Variants in MSL2 observed in about 807,000 individuals in gnomAD.
MSL2 encodes MSL complex subunit 2.
Under a neutral mutation model 35.8 loss-of-function variants are expected in MSL2, and 2 were observed. The observed-to-expected ratio is 0.06, with a 90% CI of 0.02 to 0.18. The LOEUF is 0.18. Ranked by LOEUF, MSL2 falls within the 10% of genes least tolerant of loss-of-function variation. The probability of loss-of-function intolerance (pLI) is 1.00; values close to 1 mark genes in which losing one functional copy is unlikely to be tolerated. For synonymous variants in MSL2, 296 were observed against 255.7 expected, an observed-to-expected ratio of 1.16 and a Z score of -1.50; for missense variants, 523 against 706.7, an observed-to-expected ratio of 0.74 and a Z score of 2.95.
chr3:136,190,030 G>C (rs538759934), intron 1 of MSL2, among the ~76,000 whole-genome samples: 1 of 149,364 alleles, frequency 6.7e-6, no homozygotes, highest in African/African-American at 2.5e-5. Flanking sequence ...GCAGTAAGCC[G>C]AGATCATGCC....
At chr3:136,189,713 C>A (rs1300643101) in intron 1 of MSL2, among the ~76,000 whole-genome samples, 2 of 129,030 alleles carry the variant, frequency 1.6e-5, no homozygotes, top group Middle Eastern at 5.2e-3. Flanking sequence ...GACAGCGAGA[C>A]GCCGTCTCAA....
intron 1 of MSL2, chr3:136,194,281 A>C: frequency 6.5e-6 from 2 of 306,988 alleles, no homozygotes; most frequent in Non-Finnish European, 9.5e-6. Context: ...TAAAAATTAA[A>C]GTATCCTACC....
In MSL2 at chr3:136,195,454, G is replaced by C; in HGVS notation, c.-341C>G. The C allele has an allele frequency of 1.9e-6, 2 of 1,042,060 alleles. No individual in the cohort carries two copies. The highest frequency in any genetic ancestry group is 3.6e-5 in the South Asian group (1 of 27,886). 64.6% of individuals were successfully genotyped at this position (1,042,060 alleles called of 1,614,324 possible). On this transcript the variant is annotated 5_prime_UTR_variant, in exon 1 of 2. Coordinates refer to ENST00000309993, the MANE Select transcript of MSL2 (RefSeq NM_018133.4). ...TCAGTCTAGCCCCGCGGCTCGGCAG[G>C]CGGCCTGCACTCGAGCTCCATCTCC... is the stretch of plus-strand genomic sequence containing the variant.
rs1939347077 is a variant in MSL2 at position 136,151,013 on chromosome 3, T to C, written c.*134A>G. ...ACTATTTCCCCGACACTAACACATA[T>C]AACTTAGCAATGAAAACACTTGATA... On this transcript the variant is annotated 3_prime_UTR_variant, in exon 2 of 2. Coordinates refer to ENST00000309993, the MANE Select transcript of MSL2 (RefSeq NM_018133.4). This position sits in a 1 kb window ranked among gnomAD's most constrained non-coding sequence, Gnocchi z 5.2. The C allele has an allele frequency of 3.1e-6, 3 of 964,128 alleles. No individual in the cohort carries two copies. The highest frequency in any genetic ancestry group is 3.2e-5 in the South Asian group (2 of 62,792). 59.7% of individuals were successfully genotyped at this position (964,128 alleles called of 1,614,324 possible).
In MSL2 at chr3:136,186,553, C is replaced by T. The variant is rs1485212031; in HGVS notation, c.142+8419G>A. ...ACCACCTGAGCTCTGCCTGTCAGAT[C>T]TGCAGTGGCATTAGACTCTCATAGG... On this transcript the variant is annotated intron_variant, in intron 1 of 1. Transcript: ENST00000309993. 2.0e-5 allele frequency among the ~76,000 whole-genome samples: 3 copies of T among 152,162 alleles called. No individual in the cohort carries two copies. In the East Asian group the frequency reaches 5.8e-4, roughly 29 times the overall value.
At chr3:136,184,466 G>T (rs1307088062) in intron 1 of MSL2, among the ~76,000 whole-genome samples, 1 of 151,920 alleles carries the variant, frequency 6.6e-6, no homozygotes, top group East Asian at 1.9e-4. Flanking sequence ...AGCTGGGCAT[G>T]ATGGCAGGAG....
At chr3:136,163,767 C>T (rs774204794) in intron 1 of MSL2, among the ~76,000 whole-genome samples, 2 of 152,174 alleles carry the variant, frequency 1.3e-5, no homozygotes, top group Admixed American at 1.3e-4. Context: ...GTTTCCCCAG[C>T]TGTTCTTGTG....
chr3:136,176,163 C>A lies in MSL2; in HGVS notation c.142+18809G>T, dbSNP rs148918401. 7.5e-3 allele frequency among the ~76,000 whole-genome samples: 1,140 copies of A among 152,284 alleles called. 18 individuals carry two copies. Among genetic ancestry groups the A allele is most frequent in the African/African-American group, 0.026 (1,077 of 41,566 alleles). On this transcript the variant is annotated intron_variant, in intron 1 of 1. Transcript: ENST00000309993. ...GTTCTTGGACAAGTAAAACTATATT[C>A]TTTGCCCAATATAGTTGTGTGCAGG... is the stretch of plus-strand genomic sequence containing the variant.
At chr3:136,154,926 G>A (rs1559956825) in intron 1 of MSL2, among the ~76,000 whole-genome samples, 1 of 152,092 alleles carries the variant, frequency 6.6e-6, no homozygotes, top group South Asian at 2.1e-4. Context: ...GAAAGCGGCT[G>A]GGCAGGGCGC....
chr3:136,195,502 G>T lies in MSL2; in HGVS notation c.-389C>A. 9.9e-7 allele frequency: 1 copy of T among 1,012,768 alleles called. No individual in the cohort carries two copies. The highest frequency in any genetic ancestry group is 3.9e-5 in the South Asian group (1 of 25,356). 62.7% of individuals were successfully genotyped at this position (1,012,768 alleles called of 1,614,324 possible). ...TCCGGACACGGAGGCGCCTCCTCAA[G>T]TCGAGCTGGCAGGCGCGGGAGCAGG... On this transcript the variant is annotated 5_prime_UTR_variant, in exon 1 of 2. Coordinates refer to ENST00000309993, the MANE Select transcript of MSL2 (RefSeq NM_018133.4).
Position 136,195,809 on chromosome 3 carries a change from A to C in MSL2, c.-696T>G. 1 of 984,396 alleles carries C rather than the reference A, an allele frequency of 1.0e-6. No individual in the cohort carries two copies. Among genetic ancestry groups the C allele is most frequent in the South Asian group, 4.7e-5 (1 of 21,256 alleles). 61.0% of individuals were successfully genotyped at this position (984,396 alleles called of 1,614,324 possible). ...TCCCCGAGGTGGCGAGGCGGGCGGG[A>C]GTCCTCAACCCGGAGGGGAAGGCCG... is the stretch of plus-strand genomic sequence containing the variant. On this transcript the variant is annotated 5_prime_UTR_variant, in exon 1 of 2. Transcript: ENST00000309993.
intron 1 of MSL2, among the ~76,000 whole-genome samples, chr3:136,157,561 C>A (rs1939570290): frequency 6.6e-6 from 1 of 151,956 alleles, no homozygotes; most frequent in African/African-American, 2.4e-5. Context: ...CAAGAGAAAG[C>A]AGAAAAACCA....
At chr3:136,164,267 C>T (rs552251756) in intron 1 of MSL2, among the ~76,000 whole-genome samples, 12 of 152,268 alleles carry the variant, frequency 7.9e-5, no homozygotes, top group African/African-American at 2.9e-4. Context: ...CCTCCGCTAA[C>T]CATGGAGCAC....
chr3:136,155,101 G>C (rs753263003), intron 1 of MSL2, among the ~76,000 whole-genome samples: 1 of 152,002 alleles, frequency 6.6e-6, no homozygotes, highest in Non-Finnish European at 1.5e-5. Flanking sequence ...CCAGCTACTC[G>C]GGGGAGCTGA....
chr3:136,152,204 A>G lies in MSL2; in HGVS notation c.677T>C (p.Ile226Thr), dbSNP rs760948889. Reference protein sequence around the residue: ...NTIDVCNTVDIKTEDLSDSLP... With the variant: ...NTIDVCNTVDTKTEDLSDSLP... ...GCTGTCAGACAGATCCTCAGTTTTTATGTCAACAGTATTACATACGTCAAT... is the reference window on the plus strand; with the variant it reads ...GCTGTCAGACAGATCCTCAGTTTTTGTGTCAACAGTATTACATACGTCAAT... The change falls in exon 2 of 2, where the codon ATA (isoleucine) becomes ACA (threonine). Residue 226 changes from isoleucine (I) to threonine (T), a missense_variant. Around this residue, in one of 5 missense-constraint regions of MSL2, gnomAD observed 361 missense variants for 414.6 expected, o/e 0.87. Transcript: ENST00000309993. 6.2e-7 allele frequency: 1 copy of G among 1,614,106 alleles called. No homozygotes were observed. Among genetic ancestry groups the G allele is most frequent in the Non-Finnish European group, 8.5e-7 (1 of 1,179,970 alleles).
At chr3:136,180,787 AG>A (rs1559969179) in intron 1 of MSL2, among the ~76,000 whole-genome samples, 7 of 61,130 alleles carry the variant, frequency 1.1e-4, no homozygotes, top group Non-Finnish European at 1.5e-4. Context: ...GGAGGGAGGG[AG>A]GGAGGGAGGG....
rs1333533123 is a variant in MSL2 at position 136,196,118 on chromosome 3, C to T, written c.-1005G>A. On this transcript the variant is annotated 5_prime_UTR_variant, in exon 1 of 2. Transcript: ENST00000309993. The stretch of plus-strand genomic sequence containing the variant: ...CAGCGCACACAGCAAGGCCCCGCCG[C>T]AGGCCCCTCCCCCGTGCCTCGCCGC... 1.3e-5 allele frequency: 2 copies of T among 154,060 alleles called. No homozygotes were observed. The highest frequency in any genetic ancestry group is 2.4e-5 in the African/African-American group (1 of 41,434). The allele number at this position is 154,060 out of a possible 1,614,324, so 9.5% of individuals were successfully genotyped here.
In MSL2 at chr3:136,195,403, T is replaced by C; in HGVS notation, c.-290A>G. 1 of 1,144,318 alleles carries C rather than the reference T, an allele frequency of 8.7e-7. No homozygotes were observed. The highest frequency in any genetic ancestry group is 1.6e-5 in the African/African-American group (1 of 61,064). The allele number at this position is 1,144,318 out of a possible 1,614,324, so 70.9% of individuals were successfully genotyped here. ...CCACAGAGCGCAGAACGCGGCGGCT[T>C]GGGCGCTCGGGGCGGGACTCGGAGC... On this transcript the variant is annotated 5_prime_UTR_variant, in exon 1 of 2. Coordinates refer to ENST00000309993, the MANE Select transcript of MSL2 (RefSeq NM_018133.4).
chr3:136,153,499 C>A (rs572831480), intron 1 of MSL2, among the ~76,000 whole-genome samples: 6 of 152,164 alleles, frequency 3.9e-5, no homozygotes, highest in Non-Finnish European at 8.8e-5. Flanking sequence ...ATCAAAATGT[C>A]ATTTCAGGCC....
Sources: allele counts gnomAD v4.1 joint callset (sites outside exome capture counted in the v4.1 genomes callset), GRCh38; gene constraint gnomAD v4.1.1; regional missense constraint gnomAD v4.1.1; non-coding constraint Gnocchi (gnomAD v3.1); transcripts MANE v1.5; gene names NCBI Gene and HGNC (gene_info 2026-07-23, HGNC 2026-07-21).